The following TBC1D16 variants were observed in gnomAD, a reference collection of about 807,000 sequenced individuals.
TBC1D16 encodes the protein TBC1 domain family member 16.
Under a neutral mutation model 74.7 loss-of-function variants are expected in TBC1D16, and 58 were observed. That is an observed-to-expected ratio of 0.78 (90% CI 0.63 to 0.97). The LOEUF (loss-of-function observed/expected upper bound fraction) is 0.97, where lower values mean the gene tolerates loss of function less well. Among genes scored for constraint, TBC1D16 ranks in the 50% least tolerant of loss-of-function variants. The pLI, the probability that TBC1D16 is intolerant of heterozygous loss-of-function variation, is 0.00. For synonymous variants in TBC1D16, 493 were observed against 474.7 expected (o/e 1.04, Z -0.50); for missense variants, 1,014 against 1,079.5 (o/e 0.94, Z 0.85).
chr17:80,031,776 G>A (rs1164796683), intron 1 of TBC1D16, among the ~76,000 whole-genome samples: 1 of 152,154 alleles, frequency 6.6e-6, no homozygotes, highest in African/African-American at 2.4e-5. Context: ...AACACAAAGG[G>A]TAAGGGAAGA....
Position 80,022,461 on chromosome 17 carries a change from C to T in TBC1D16, c.-62-8852G>A, listed in dbSNP as rs887670384. On this transcript the variant is annotated intron_variant, in intron 1 of 11. Transcript: ENST00000310924. ...AAGTGATTCTCCTGCCTCAGACTCC[C>T]GAGTAGCTGGGATTACAGGTGCCCA... is the stretch of plus-strand genomic sequence containing the variant. Among the ~76,000 whole-genome samples the T allele has an allele frequency of 4.0e-5, 6 of 149,424 alleles. 1 individual carries two copies. Among genetic ancestry groups the T allele is most frequent in the African/African-American group, 7.7e-5 (3 of 38,906 alleles).
At position 80,010,104 on chromosome 17, in the gene TBC1D16, C is replaced by T. The variant is rs1484946197; in HGVS notation, c.779+56G>A. The T allele has an allele frequency of 6.9e-7, 1 of 1,442,728 alleles. No individual in the cohort carries two copies. Among genetic ancestry groups the T allele is most frequent in the African/African-American group, 1.4e-5 (1 of 70,732 alleles). The allele number at this position is 1,442,728 out of a possible 1,614,324, so 89.4% of individuals were successfully genotyped here. On this transcript the variant is annotated intron_variant, in intron 3 of 11. Coordinates refer to ENST00000310924, the MANE Select transcript of TBC1D16 (RefSeq NM_019020.4). The surrounding 1 kb of genome is among the most constrained non-coding windows in gnomAD (Gnocchi z 8.8). ...AGGTGACGCAGGTGAGTGCTTCCTGCCCAGGTCAGGCCTTGGGGGCCTCCC... is the reference window on the plus strand; with the variant it reads ...AGGTGACGCAGGTGAGTGCTTCCTGTCCAGGTCAGGCCTTGGGGGCCTCCC...
Position 80,010,812 on chromosome 17 carries a change from C to T in TBC1D16, c.182-55G>A, listed in dbSNP as rs2035863675. On this transcript the variant is annotated intron_variant, in intron 2 of 11. Coordinates refer to ENST00000310924, the MANE Select transcript of TBC1D16 (RefSeq NM_019020.4). The surrounding 1 kb of genome is among the most constrained non-coding windows in gnomAD (Gnocchi z 8.8). ...GAGGCCAGGAGGCTGTGGATGAGGC[C>T]CTTGTGGTACCTTTGGCGAGCTGCT... 1 of 1,322,880 alleles carries T rather than the reference C, an allele frequency of 7.6e-7. No homozygotes were observed. The highest frequency in any genetic ancestry group is 3.4e-5 in the Admixed American group (1 of 29,684). The allele number at this position is 1,322,880 out of a possible 1,614,324, so 81.9% of individuals were successfully genotyped here.
At position 79,936,408 on chromosome 17, in the gene TBC1D16, C is replaced by T. The variant is rs552378176; in HGVS notation, c.*4451G>A. On this transcript the variant is annotated 3_prime_UTR_variant, in exon 12 of 12. Coordinates refer to ENST00000310924, the MANE Select transcript of TBC1D16 (RefSeq NM_019020.4). ...CTTCCCTGAGTGGCAGGTGTGGTCC[C>T]TGGGACTTCATAAACCATCCTCATG... The T allele has an allele frequency of 6.6e-6, 1 of 152,318 alleles. No homozygotes were observed. Among genetic ancestry groups the T allele is most frequent in the East Asian group, 1.9e-4 (1 of 5,184 alleles). The allele number at this position is 152,318 out of a possible 1,614,324, so 9.4% of individuals were successfully genotyped here. A position where few individuals can be genotyped will look rare whatever the true frequency, so the allele number is the denominator to read the frequency against.
rs546610390 is a variant in TBC1D16, at chr17:80,007,061, C to T, written c.779+3099G>A. Among the ~76,000 whole-genome samples, 13 of 152,354 alleles carry T rather than the reference C, an allele frequency of 8.5e-5. No homozygotes were observed. The highest frequency in any genetic ancestry group is 2.9e-4 in the African/African-American group (12 of 41,588). On this transcript the variant is annotated intron_variant, in intron 3 of 11. Coordinates refer to ENST00000310924, the MANE Select transcript of TBC1D16 (RefSeq NM_019020.4). The surrounding 1 kb of genome is among the most constrained non-coding windows in gnomAD (Gnocchi z 4.5). ...CTTGCACTGAAGCACACGCTTCTGG[C>T]GGGGTGGGGAGAGTCCCATCCACAT...
chr17:80,024,190 G>C (rs1412362300), intron 1 of TBC1D16, among the ~76,000 whole-genome samples: 1 of 139,578 alleles, frequency 7.2e-6, no homozygotes, highest in Non-Finnish European at 1.6e-5. Flanking sequence ...CACCAGGCAG[G>C]ACTGCAGCGG....
In TBC1D16 at chr17:79,946,529, G is replaced by A. The variant is rs568037333; in HGVS notation, c.1728+1116C>T. Among the ~76,000 whole-genome samples, 8 of 152,274 alleles carry A rather than the reference G, an allele frequency of 5.3e-5. No individual in the cohort carries two copies. The South Asian group carries it at 1.2e-3, about 24-fold the overall frequency. On this transcript the variant is annotated intron_variant, in intron 9 of 11. Coordinates refer to ENST00000310924, the MANE Select transcript of TBC1D16 (RefSeq NM_019020.4). The stretch of plus-strand genomic sequence containing the variant: ...ACACACTCCGTGGCCTGGGGCTGGG[G>A]AACCCCGTTCTACAAGTCACACTCT...
chr17:80,010,654 C>T lies in TBC1D16; in HGVS notation c.285G>A (p.Leu95=). ...GGGAGCTCTCGGGTGTGATGTAGCG[C>T]AGGGCCTCCTCGTCCTGCCTCTGGA... The part of the protein sequence containing the change: ...SRIQRQDEEA[L]RYITPESSPV... The change falls in exon 3 of 12, where the codon CTG becomes CTA. Residue 95 remains leucine (L), a synonymous_variant. Coordinates refer to ENST00000310924, the MANE Select transcript of TBC1D16 (RefSeq NM_019020.4). The surrounding 1 kb of genome is among the most constrained non-coding windows in gnomAD (Gnocchi z 8.8). 6.5e-7 allele frequency: 1 copy of T among 1,549,028 alleles called. No homozygotes were observed.
At position 79,941,699 on chromosome 17, in the gene TBC1D16, T is replaced by C. The variant is rs969481593; in HGVS notation, c.2055+361A>G. 6.6e-5 allele frequency among the ~76,000 whole-genome samples: 10 copies of C among 152,292 alleles called. No individual in the cohort carries two copies. The highest frequency in any genetic ancestry group is 2.4e-4 in the African/African-American group (10 of 41,562). On this transcript the variant is annotated intron_variant, in intron 11 of 11. Coordinates refer to ENST00000310924, the MANE Select transcript of TBC1D16 (RefSeq NM_019020.4). The surrounding 1 kb of genome is among the most constrained non-coding windows in gnomAD (Gnocchi z 4.3). Reference sequence around the variant, plus strand: ...ACCCTGTCCCCAGGTCCAGCCTCCTTCTCAGTGTTCCCAGTTCTGGGTTGT... The same window carrying C: ...ACCCTGTCCCCAGGTCCAGCCTCCTCCTCAGTGTTCCCAGTTCTGGGTTGT...
At chr17:80,004,450 C>G (rs773124304) in intron 3 of TBC1D16, among the ~76,000 whole-genome samples, 1 of 152,202 alleles carries the variant, frequency 6.6e-6, no homozygotes, top group African/African-American at 2.4e-5. Context: ...AGGTCACAGA[C>G]CTTCTGGGAA....
chr17:79,959,914 A>C (rs2033517131), intron 3 of TBC1D16, among the ~76,000 whole-genome samples: 1 of 152,224 alleles, frequency 6.6e-6, no homozygotes, highest in Non-Finnish European at 1.5e-5. Context: ...AGGAAACAAA[A>C]ATGCAAGTCA....
intron 3 of TBC1D16, among the ~76,000 whole-genome samples, chr17:79,978,022 A>G (rs1375632230): frequency 6.6e-6 from 1 of 152,206 alleles, no homozygotes; most frequent in Non-Finnish European, 1.5e-5. Context: ...CATTTCTGAC[A>G]TAAGTGGCAA....
rs779563967 is a variant in TBC1D16, at chr17:79,986,646, C to G, written c.779+23514G>C. Reference sequence around the variant, plus strand: ...CAGAGTGACCAGTACCCGCAGCACCCGAGTTCTTTGCCTCTTATTAAAGGG... The same window carrying G: ...CAGAGTGACCAGTACCCGCAGCACCGGAGTTCTTTGCCTCTTATTAAAGGG... On this transcript the variant is annotated intron_variant, in intron 3 of 11. Coordinates refer to ENST00000310924, the MANE Select transcript of TBC1D16 (RefSeq NM_019020.4). The surrounding 1 kb of genome is among the most constrained non-coding windows in gnomAD (Gnocchi z 6.0). 4.1e-4 allele frequency among the ~76,000 whole-genome samples: 62 copies of G among 152,266 alleles called. No individual in the cohort carries two copies. The highest frequency in any genetic ancestry group is 7.5e-4 in the Non-Finnish European group (51 of 68,026).
chr17:80,014,364 A>G (rs1209710301), intron 1 of TBC1D16, among the ~76,000 whole-genome samples: 2 of 152,202 alleles, frequency 1.3e-5, no homozygotes, highest in African/African-American at 4.8e-5. Context: ...CTCAAAAAAA[A>G]AGAAAGAAGG....
chr17:79,935,372 G>A lies in TBC1D16; in HGVS notation c.*5487C>T, dbSNP rs972042335. On this transcript the variant is annotated 3_prime_UTR_variant, in exon 12 of 12. Transcript: ENST00000310924. ...CCTAGTGCTGTCCAACCACAGCCCA[G>A]AGGGCAAGGCCTCCCAAAGTGGGCG... 1 of 152,308 alleles carries A rather than the reference G, an allele frequency of 6.6e-6. No homozygotes were observed. The highest frequency in any genetic ancestry group is 2.4e-5 in the African/African-American group (1 of 41,480). The allele number at this position is 152,308 out of a possible 1,614,324, so 9.4% of individuals were successfully genotyped here.
intron 8 of TBC1D16, 102 bp downstream of exon 8, chr17:79,948,770 A>C (rs2032778782): frequency 1.4e-6 from 2 of 1,448,648 alleles, no homozygotes; most frequent in Non-Finnish European, 1.9e-6. Context: ...CCTGGAAGAG[A>C]GCCCCTGCAG....
chr17:79,970,007 C>T (rs2034012871), intron 3 of TBC1D16, among the ~76,000 whole-genome samples: 1 of 152,146 alleles, frequency 6.6e-6, no homozygotes. Context: ...TTCATAGTAG[C>T]ATTATTCATC....
Position 80,007,942 on chromosome 17 carries a change from A to G in TBC1D16, c.779+2218T>C, listed in dbSNP as rs1046108506. Among the ~76,000 whole-genome samples the G allele has an allele frequency of 7.2e-5, 11 of 152,068 alleles. No homozygotes were observed. Among genetic ancestry groups the G allele is most frequent in the African/African-American group, 2.7e-4 (11 of 41,384 alleles). ...CCCGGTGGGTCCCAGGCAGAGGGAC[A>G]GCCTGGCTTCCAGAGTGAGTGCACA... On this transcript the variant is annotated intron_variant, in intron 3 of 11. Coordinates refer to ENST00000310924, the MANE Select transcript of TBC1D16 (RefSeq NM_019020.4). This position sits in a 1 kb window ranked among gnomAD's most constrained non-coding sequence, Gnocchi z 4.5.
In TBC1D16 at chr17:80,035,756, A is replaced by ACCCCGC. The variant is rs1352746116; in HGVS notation, c.-63+33_-63+38dup. The ACCCCGC allele has an allele frequency of 6.9e-6, 1 of 144,686 alleles. No individual in the cohort carries two copies. Among genetic ancestry groups the ACCCCGC allele is most frequent in the Non-Finnish European group, 1.5e-5 (1 of 65,424 alleles). The allele number at this position is 144,686 out of a possible 1,614,324, so 9.0% of individuals were successfully genotyped here. On this transcript the variant is annotated intron_variant, in intron 1 of 11. Coordinates refer to ENST00000310924, the MANE Select transcript of TBC1D16 (RefSeq NM_019020.4). The surrounding 1 kb of genome is among the most constrained non-coding windows in gnomAD (Gnocchi z 5.3). ...GCTCGCTGCGCGGTGGACCCCTCGGACCCCGCCCCCGCGGCCCCGTCCGGG... is the reference window on the plus strand; with the variant it reads ...GCTCGCTGCGCGGTGGACCCCTCGGACCCCGCCCCCGCCCCCGCGGCCCCGTCCGGG...
Sources: gnomAD v4.1 joint callset for allele counts (sites outside exome capture counted in the v4.1 genomes callset) on GRCh38, gnomAD v4.1.1 for gene constraint, Gnocchi (gnomAD v3.1) non-coding constraint, MANE v1.5 for transcripts, NCBI Gene and HGNC (gene_info 2026-07-23, HGNC 2026-07-21) for gene names.